Variants in HEATR5A observed in about 807,000 individuals in gnomAD.
HEATR5A encodes the protein HEAT repeat-containing protein 5A.
HEATR5A carries 178 observed loss-of-function variants against 218.8 expected under a neutral mutation model. The ratio of observed to expected loss-of-function variants is 0.81; its 90% confidence interval spans 0.72 to 0.92. The LOEUF (loss-of-function observed/expected upper bound fraction) is 0.92. HEATR5A is among the 40% of genes least tolerant of loss of function. The pLI, the probability that HEATR5A is intolerant of heterozygous loss-of-function variation, is 0.00. For synonymous variants in HEATR5A, 864 were observed against 871.6 expected (o/e 0.99, Z 0.15); for missense variants, 2,420 against 2,418.9 (o/e 1.00, Z -0.01).
Position 31,364,236 on chromosome 14 carries a change from T to C in HEATR5A, c.2024A>G (p.Gln675Arg). The change falls in exon 14 of 36, where the codon CAA becomes CGA. Residue 675 changes from glutamine (Q) to arginine (R), a missense_variant. Physicochemically the swap from Gln to Arg is conservative, Grantham distance 43. Coordinates refer to ENST00000543095, the MANE Select transcript of HEATR5A (RefSeq NM_015473.4). ...PLKTPSVVYR[Q>R]RLYELLILLP... ...TAAAATCAACAGTTCATAAAGTCTTTGTCTATAAACCACTGACGGTGTTTT... is the reference window on the plus strand; with the variant it reads ...TAAAATCAACAGTTCATAAAGTCTTCGTCTATAAACCACTGACGGTGTTTT... The C allele has an allele frequency of 6.4e-7, 1 of 1,556,930 alleles. No individual in the cohort carries two copies. Among genetic ancestry groups the C allele is most frequent in the Non-Finnish European group, 8.7e-7 (1 of 1,147,604 alleles).
Position 31,309,077 on chromosome 14 carries a change from C to A in HEATR5A, c.4547G>T (p.Gly1516Val), listed in dbSNP as rs770849470. The change falls in exon 29 of 36, where the codon GGT becomes GTT. Residue 1516 changes from glycine to valine, a missense_variant. Gly to Val is a moderately radical substitution (Grantham distance 109, BLOSUM62 -3). Coordinates refer to ENST00000543095, the MANE Select transcript of HEATR5A (RefSeq NM_015473.4). ...HATALWLTST[G>V]FVVADPDEGA... ...TTCATCTGGGTCAGCAACAACAAAA[C>A]CCGTGCTTGTAAGCCACAATGCTGT... The A allele has an allele frequency of 6.2e-7, 1 of 1,613,954 alleles. No individual in the cohort carries two copies. Among genetic ancestry groups the A allele is most frequent in the South Asian group, 1.1e-5 (1 of 91,082 alleles).
chr14:31,382,129 T>C (rs2139274604), intron 10 of HEATR5A, among the ~76,000 whole-genome samples: 1 of 152,302 alleles, frequency 6.6e-6, no homozygotes, highest in Middle Eastern at 3.4e-3. Context: ...AAATTCCAAA[T>C]ATAATATGGG....
In HEATR5A at chr14:31,345,245, A is replaced by G. The variant is rs1566762213; in HGVS notation, c.2900T>C (p.Ile967Thr). 5.6e-6 allele frequency: 9 copies of G among 1,612,860 alleles called. No homozygotes were observed. The highest frequency in any genetic ancestry group is 7.6e-6 in the Non-Finnish European group (9 of 1,179,264). The change falls in exon 20 of 36, where the codon ATT becomes ACT. Residue 967 changes from isoleucine to threonine, a missense_variant. Physicochemically the swap from Ile to Thr is moderately conservative, Grantham distance 89. Coordinates refer to ENST00000543095, the MANE Select transcript of HEATR5A (RefSeq NM_015473.4). ...TWALHSLSLI[I>T]DSAGPLYYVH... ...ATAATAGAGTGGGCCAGCAGAATCA[A>G]TGATCAATGATAGAGAATGTAATGC...
intron 12 of HEATR5A, among the ~76,000 whole-genome samples, chr14:31,372,875 GCTCTCTCTCTCCCTCT>G (rs1170284379): frequency 2.1e-4 from 32 of 150,288 alleles, no homozygotes; most frequent in African/African-American, 6.9e-4. Context: ...TCTCTCTTTC[GCTCTCTCTCTCCCTCT>G]CTCTCTCTCT....
At chr14:31,329,423 C>G (rs546167360) in intron 22 of HEATR5A, among the ~76,000 whole-genome samples, 1 of 152,124 alleles carries the variant, frequency 6.6e-6, no homozygotes, top group African/African-American at 2.4e-5. Context: ...TACTCTTGTC[C>G]CAAATGGGAG....
intron 12 of HEATR5A, 73 bp downstream of exon 12, chr14:31,374,743 C>A: frequency 7.2e-7 from 1 of 1,382,400 alleles, no homozygotes; most frequent in Non-Finnish European, 9.8e-7. Flanking sequence ...ATAAAACATA[C>A]AAGTACATGT....
At chr14:31,345,009 G>T (rs1036036678) in intron 20 of HEATR5A, 78 bp downstream of exon 20, 10 of 1,189,384 alleles carry the variant, frequency 8.4e-6, no homozygotes, top group African/African-American at 1.5e-5. Context: ...CACGTGCCAA[G>T]CATACAGACT....
chr14:31,393,245 C>T (rs956511075), intron 6 of HEATR5A, among the ~76,000 whole-genome samples: 1 of 152,158 alleles, frequency 6.6e-6, no homozygotes, highest in Admixed American at 6.5e-5. Flanking sequence ...GGTGGTGGCT[C>T]ACGCCTGTAA....
At chr14:31,336,211 T>TAC (rs776727980) in intron 22 of HEATR5A, among the ~76,000 whole-genome samples, 8 of 10,732 alleles carry the variant, frequency 7.5e-4, no homozygotes, top group South Asian at 5.1e-3. Context: ...TATATATACA[T>TAC]ACATACATAT....
In HEATR5A at chr14:31,345,293, A is replaced by G. The variant is rs1244521957; in HGVS notation, c.2869-17T>C. On this transcript the variant is annotated splice_polypyrimidine_tract_variant and intron_variant, in intron 19 of 35. Coordinates refer to ENST00000543095, the MANE Select transcript of HEATR5A (RefSeq NM_015473.4). ...TGCCCAGGTCTGTAATGACAAAGAA[A>G]AACAATTAAAAACATTACAGCAGCA... The G allele has an allele frequency of 6.6e-7, 1 of 1,516,264 alleles. No homozygotes were observed. 93.9% of individuals were successfully genotyped at this position (1,516,264 alleles called of 1,614,324 possible). A position where few individuals can be genotyped will look rare whatever the true frequency, so the allele number is the denominator to read the frequency against.
chr14:31,406,034 A>C (rs954361772), intron 1 of HEATR5A, among the ~76,000 whole-genome samples: 1 of 152,208 alleles, frequency 6.6e-6, no homozygotes, highest in East Asian at 1.9e-4. Flanking sequence ...TGCACCTGAG[A>C]GCTCCACATT....
intron 26 of HEATR5A, among the ~76,000 whole-genome samples, chr14:31,316,689 T>C (rs1899923300): frequency 6.6e-6 from 1 of 152,202 alleles, no homozygotes; most frequent in African/African-American, 2.4e-5. Context: ...CCAGGTGCCA[T>C]GATATTTCTC....
chr14:31,323,467 CATTTTAAAAAAAT>C, intron 24 of HEATR5A, 85 bp downstream of exon 24: 1 of 1,006,208 alleles, frequency 9.9e-7, no homozygotes, highest in African/African-American at 1.7e-5. Context: ...TGGCTAGTTT[CATTTTAAAAAAAT>C]ATTTTAATAT....
chr14:31,351,121 C>T (rs1595126050), intron 16 of HEATR5A, among the ~76,000 whole-genome samples: 1 of 152,262 alleles, frequency 6.6e-6, no homozygotes, highest in East Asian at 1.9e-4. Context: ...GTTCTTTAAA[C>T]TACTGCAGTA....
At chr14:31,413,240 C>G (rs561330053) in intron 1 of HEATR5A, among the ~76,000 whole-genome samples, 1 of 152,184 alleles carries the variant, frequency 6.6e-6, no homozygotes, top group South Asian at 2.1e-4. Context: ...TGATGGGGAG[C>G]ACATCTTATT....
At chr14:31,311,245 AG>A (rs1345869912) in intron 28 of HEATR5A, among the ~76,000 whole-genome samples, 1 of 152,228 alleles carries the variant, frequency 6.6e-6, no homozygotes, top group Admixed American at 6.5e-5. Context: ...ATTAAAAATA[AG>A]AACCCTATCC....
At chr14:31,365,515 C>A (rs1901768949) in intron 13 of HEATR5A, among the ~76,000 whole-genome samples, 1 of 152,084 alleles carries the variant, frequency 6.6e-6, no homozygotes, top group Non-Finnish European at 1.5e-5. Flanking sequence ...CACGTGCCAC[C>A]ACGCCTGGCT....
intron 33 of HEATR5A, chr14:31,297,781 A>G (rs1353801880): frequency 6.6e-6 from 1 of 152,144 alleles, no homozygotes; most frequent in Admixed American, 6.6e-5. Context: ...AGGTACTCTT[A>G]TTATCTCTCA....
At chr14:31,391,621 T>C (rs1271545036) in intron 6 of HEATR5A, among the ~76,000 whole-genome samples, 1 of 152,218 alleles carries the variant, frequency 6.6e-6, no homozygotes, top group Non-Finnish European at 1.5e-5. Flanking sequence ...TACAGTAATA[T>C]CCTAGGCTTT....
Sources: gnomAD v4.1 joint callset for allele counts (sites outside exome capture counted in the v4.1 genomes callset) on GRCh38, gnomAD v4.1.1 for gene constraint, MANE v1.5 for transcripts, NCBI Gene and HGNC (gene_info 2026-07-23, HGNC 2026-07-21) for gene names.